Variants in TSGA10IP observed in about 807,000 individuals in gnomAD.
TSGA10IP encodes testis-specific protein 10-interacting protein.
In TSGA10IP, 64 loss-of-function variants were observed where a neutral mutation model predicts 63.2. The ratio of observed to expected loss-of-function variants is 1.01; its 90% CI spans 0.83 to 1.25. The LOEUF (loss-of-function observed/expected upper bound fraction) is 1.25, where lower values mean the gene tolerates loss of function less well. TSGA10IP is among the 50% of genes most tolerant of loss of function. The pLI is 0.00. For missense variants in TSGA10IP, 681 were observed against 710.1 expected, an observed-to-expected ratio of 0.96 and a Z score of 0.47; for synonymous variants, 316 against 298.3, an observed-to-expected ratio of 1.06 and a Z score of -0.61.
intron 4 of TSGA10IP, 107 bp downstream of exon 4, chr11:65,948,255 T>G: frequency 7.3e-7 from 1 of 1,374,094 alleles, no homozygotes. Context: ...TCTTTATTTA[T>G]CCATTCACCA....
rs569868572 is a variant in TSGA10IP at position 65,955,045 on chromosome 11, G to GT, written c.1322+1315dup. 2.4e-4 allele frequency among the ~76,000 whole-genome samples: 36 copies of GT among 152,270 alleles called. No individual in the cohort carries two copies. The South Asian group carries it at 6.2e-3, about 26-fold the overall frequency. On this transcript the variant is annotated intron_variant, in intron 5 of 7. Coordinates refer to ENST00000532620, the Ensembl canonical transcript of TSGA10IP. ...ATATACAATCTCTACCTAGGGGTGT[G>GT]TTTTTTTACCATCAAAACGAGGAAA...
At chr11:65,953,024 T>C (rs1189038820) in intron 4 of TSGA10IP, among the ~76,000 whole-genome samples, 1 of 149,742 alleles carries the variant, frequency 6.7e-6, no homozygotes, top group Non-Finnish European at 1.5e-5. Context: ...TCTTTTTTCT[T>C]TCTTTCTTTT....
chr11:65,957,308 T>C (rs1855041061), intron 5 of TSGA10IP, among the ~76,000 whole-genome samples: 1 of 151,976 alleles, frequency 6.6e-6, no homozygotes, highest in Non-Finnish European at 1.5e-5. Flanking sequence ...ACGCCACCAC[T>C]CCCAGCTAAC....
In TSGA10IP at chr11:65,953,744, A is replaced by C. The variant is rs374090313; in HGVS notation, c.1322+7A>C. ...GCAAGCTGGAGGAGCTGAGGTAGGG[A>C]GCCTGGGCTTCGGGAGGCCTGGTTG... On this transcript the variant is annotated splice_region_variant and intron_variant, in intron 5 of 7. Coordinates refer to ENST00000532620, the Ensembl canonical transcript of TSGA10IP. 175 of 1,507,948 alleles carry C rather than the reference A, an allele frequency of 1.2e-4. No homozygotes were observed. The African/African-American group carries it at 2.1e-3, about 18-fold the overall frequency. The allele number at this position is 1,507,948 out of a possible 1,614,324, so 93.4% of individuals were successfully genotyped here.
At chr11:65,949,599 T>C (rs1490268815) in intron 4 of TSGA10IP, among the ~76,000 whole-genome samples, 1 of 151,920 alleles carries the variant, frequency 6.6e-6, no homozygotes, top group African/African-American at 2.4e-5. Flanking sequence ...GTATTTTTAG[T>C]ACAGACGGGG....
Position 65,958,735 on chromosome 11 carries a change from A to G in TSGA10IP, c.1323-148A>G, listed in dbSNP as rs76383349. ...TCCACCTTGGCTGACTTCACAAGGA[A>G]TCCAGGCAAGAATGGGAATGAAATA... On this transcript the variant is annotated intron_variant, in intron 5 of 7. Coordinates refer to ENST00000532620, the Ensembl canonical transcript of TSGA10IP. 1,001 of 679,584 alleles carry G rather than the reference A, an allele frequency of 1.5e-3. 27 individuals carry two copies. The East Asian group carries it at 0.026, about 18-fold the overall frequency. 42.1% of individuals were successfully genotyped at this position (679,584 alleles called of 1,614,324 possible).
exon 3 of TSGA10IP, chr11:65,947,486 G>A (rs780634987): frequency 1.9e-6 from 3 of 1,613,132 alleles, no homozygotes; most frequent in African/African-American, 1.3e-5. Flanking sequence ...GCAAAGCCTG[G>A]GTGCTGAGGA....
chr11:65,959,408 C>G (rs1855079774), intron 7 of TSGA10IP, 94 bp downstream of exon 7: 4 of 1,517,148 alleles, frequency 2.6e-6, no homozygotes, highest in Admixed American at 4.2e-5. Flanking sequence ...GGGCCTCCCC[C>G]AGGACAGGCA....
chr11:65,954,533 C>T lies in TSGA10IP; in HGVS notation c.1322+796C>T, dbSNP rs11227361. Reference sequence around the variant, plus strand: ...AACGTTTTTGGACTCCTAACAGGTCCGTGAAGCAGGGAGTATTGCTGCTGG... The same window carrying T: ...AACGTTTTTGGACTCCTAACAGGTCTGTGAAGCAGGGAGTATTGCTGCTGG... On this transcript the variant is annotated intron_variant, in intron 5 of 7. Coordinates refer to ENST00000532620, the Ensembl canonical transcript of TSGA10IP. Among the ~76,000 whole-genome samples the T allele has an allele frequency of 8.8e-3, 1,336 of 152,022 alleles. 33 individuals are homozygous for T. In the East Asian group the frequency reaches 0.1, roughly 12 times the overall value.
intron 5 of TSGA10IP, among the ~76,000 whole-genome samples, chr11:65,954,348 G>A (rs1208866465): frequency 1.8e-5 from 2 of 108,308 alleles, no homozygotes; most frequent in South Asian, 3.0e-4. Flanking sequence ...TTTTTTTTTT[G>A]TATTTTTAGT....
At position 65,959,199 on chromosome 11, in the gene TSGA10IP, C is replaced by T. The variant is rs1317606626; in HGVS notation, c.1432C>T (p.Arg478Trp). Residue 478 changes from arginine (R) to tryptophan (W), a missense_variant, in exon 7 of 8, where the codon CGG becomes TGG. Coordinates refer to ENST00000532620, the Ensembl canonical transcript of TSGA10IP. The stretch of plus-strand genomic sequence containing the variant: ...TCTTCTCTCTCCTCAGGCCAATGCC[C>T]GGCTCACCGTCACTCGGCGCTTCTC... 25 of 1,604,510 alleles carry T rather than the reference C, an allele frequency of 1.6e-5. No homozygotes were observed. Among genetic ancestry groups the T allele is most frequent in the Non-Finnish European group, 2.0e-5 (23 of 1,176,876 alleles).
chr11:65,945,924 A>G (rs1292682072), intron 1 of TSGA10IP, 102 bp downstream of exon 1: 1 of 1,404,966 alleles, frequency 7.1e-7, no homozygotes, highest in African/African-American at 1.4e-5. Context: ...ACCTGAGCTG[A>G]GGTCCAGATG....
chr11:65,953,339 G>A (rs911775233), intron 4 of TSGA10IP, among the ~76,000 whole-genome samples: 1 of 152,144 alleles, frequency 6.6e-6, no homozygotes, highest in South Asian at 2.1e-4. Context: ...CCTGGAAGCA[G>A]GAGACTTCTA....
exon 6 of TSGA10IP, chr11:65,958,889 G>C (rs375867942): frequency 5.6e-6 from 9 of 1,612,454 alleles, no homozygotes; most frequent in Admixed American, 1.7e-5. Context: ...GCAGGCGCCA[G>C]GAGCGACAGC....
chr11:65,947,349 T>C, exon 3 of TSGA10IP: 1 of 1,611,922 alleles, frequency 6.2e-7, no homozygotes. Context: ...AGACAGCAGC[T>C]GGGAGCCTGG....
chr11:65,945,652 G>T, exon 1 of TSGA10IP: 1 of 1,610,392 alleles, frequency 6.2e-7, no homozygotes, highest in Non-Finnish European at 8.5e-7. Context: ...GCAGTTCTAC[G>T]GTGCGGATGG....
chr11:65,946,055 C>A (rs894059072), intron 1 of TSGA10IP, among the ~76,000 whole-genome samples: 1 of 152,160 alleles, frequency 6.6e-6, no homozygotes, highest in Non-Finnish European at 1.5e-5. Context: ...GGGAACACTG[C>A]GGAAGGAGCA....
At chr11:65,945,515 C>A in exon 1 of TSGA10IP, 1 of 747,052 alleles carries the variant, frequency 1.3e-6, no homozygotes, top group Non-Finnish European at 2.1e-6. Context: ...GACTCCTGGG[C>A]ATCCTGCTGA....
chr11:65,957,571 G>C, intron 5 of TSGA10IP, among the ~76,000 whole-genome samples: 1 of 152,064 alleles, frequency 6.6e-6, no homozygotes, highest in East Asian at 1.9e-4. Flanking sequence ...CTTGTGTTCC[G>C]GGCCATGGGT....
Sources: gnomAD v4.1 joint callset for allele counts (sites outside exome capture counted in the v4.1 genomes callset) on GRCh38, gnomAD v4.1.1 for gene constraint, MANE v1.5 for transcripts, NCBI Gene and HGNC (gene_info 2026-07-23, HGNC 2026-07-21) for gene names.